KSR2: variants seen among roughly 807,000 people sequenced by gnomAD.
KSR2 encodes the protein kinase suppressor of ras 2.
In KSR2, 25 loss-of-function variants were observed where a neutral mutation model predicts 107.8. That is an observed-to-expected ratio of 0.23 (90% CI 0.17 to 0.32). KSR2 has a LOEUF of 0.32. KSR2 is among the 10% of genes least tolerant of loss of function. The probability of loss-of-function intolerance (pLI) is 1.00; values close to 1 mark genes in which losing one functional copy is unlikely to be tolerated. For missense variants in KSR2, 887 were observed against 1,268.9 expected (o/e 0.70, Z 4.57); for synonymous variants, 480 against 507.0 (o/e 0.95, Z 0.71).
intron 1 of KSR2, among the ~76,000 whole-genome samples, chr12:117,949,951 A>G (rs1896310787): frequency 6.6e-6 from 1 of 151,954 alleles, no homozygotes; most frequent in Admixed American, 6.6e-5. Flanking sequence ...ATGGAAAGAA[A>G]TGCACTGATG....
intron 3 of KSR2, among the ~76,000 whole-genome samples, chr12:117,819,125 C>T (rs558359653): frequency 5.3e-5 from 8 of 152,088 alleles, no homozygotes; most frequent in South Asian, 4.2e-4. Context: ...AGGTCTGTAC[C>T]GCCCCCTCAC....
chr12:117,747,260 G>A (rs529162027), intron 4 of KSR2, among the ~76,000 whole-genome samples: 153 of 152,258 alleles, frequency 1.0e-3, no homozygotes, highest in African/African-American at 3.1e-3. Flanking sequence ...CCATAAAGAA[G>A]AATGAGATCA....
At chr12:117,607,904 T>C (rs538179649) in intron 5 of KSR2, among the ~76,000 whole-genome samples, 58 of 152,266 alleles carry the variant, frequency 3.8e-4, no homozygotes, top group Middle Eastern at 6.8e-3. Flanking sequence ...TTGTCCCCAG[T>C]GCCACTGAAG....
chr12:117,582,871 C>T (rs1172436395), intron 5 of KSR2, among the ~76,000 whole-genome samples: 9 of 152,154 alleles, frequency 5.9e-5, no homozygotes, highest in Non-Finnish European at 1.3e-4. Flanking sequence ...AGTGGATTCC[C>T]AGTGCCAGCC....
At chr12:117,924,689 G>A (rs530956292) in intron 1 of KSR2, among the ~76,000 whole-genome samples, 27 of 151,898 alleles carry the variant, frequency 1.8e-4, no homozygotes, top group Middle Eastern at 3.4e-3. Flanking sequence ...AAATGACTCC[G>A]TTTCTTCAAC....
At chr12:117,671,621 G>A (rs918951483) in intron 4 of KSR2, among the ~76,000 whole-genome samples, 25 of 152,190 alleles carry the variant, frequency 1.6e-4, no homozygotes, top group Non-Finnish European at 1.0e-4. Context: ...GCTCCTTGAG[G>A]TCAGGAACCA....
intron 3 of KSR2, among the ~76,000 whole-genome samples, chr12:117,764,220 C>G (rs1889146014): frequency 6.6e-6 from 1 of 151,032 alleles, no homozygotes; most frequent in Admixed American, 6.6e-5. Flanking sequence ...GATGGTCGAG[C>G]CTTCCAGATG....
At chr12:117,768,250 G>T (rs1039022641) in intron 3 of KSR2, among the ~76,000 whole-genome samples, 1 of 152,198 alleles carries the variant, frequency 6.6e-6, no homozygotes, top group African/African-American at 2.4e-5. Flanking sequence ...GGAGCTGGAG[G>T]CCAAGCATCT....
chr12:117,778,094 T>C (rs1303417463), intron 3 of KSR2, among the ~76,000 whole-genome samples: 7 of 152,198 alleles, frequency 4.6e-5, no homozygotes, highest in Non-Finnish European at 7.4e-5. Flanking sequence ...GTTGCTTTAA[T>C]AAATATTTGT....
intron 1 of KSR2, among the ~76,000 whole-genome samples, chr12:117,962,692 A>G (rs530305989): frequency 4.7e-5 from 7 of 148,010 alleles, no homozygotes; most frequent in Non-Finnish European, 1.0e-4. Flanking sequence ...TGATCCACTC[A>G]CCTCAGCCTC....
chr12:117,757,229 C>A (rs1157524040), intron 4 of KSR2, among the ~76,000 whole-genome samples: 1 of 152,150 alleles, frequency 6.6e-6, no homozygotes, highest in Non-Finnish European at 1.5e-5. Flanking sequence ...GAGGAAGTAA[C>A]TGCAGATGCG....
At chr12:117,522,354 T>A (rs1420743184) in intron 14 of KSR2, among the ~76,000 whole-genome samples, 1 of 151,932 alleles carries the variant, frequency 6.6e-6, no homozygotes, top group Non-Finnish European at 1.5e-5. Context: ...GGTAAGGAAC[T>A]GACCAGACAG....
At chr12:117,702,874 G>C (rs1886381021) in intron 4 of KSR2, among the ~76,000 whole-genome samples, 1 of 152,188 alleles carries the variant, frequency 6.6e-6, no homozygotes, top group Non-Finnish European at 1.5e-5. Flanking sequence ...ATCCTCCAGA[G>C]CTAAGTTATT....
At chr12:117,954,284 T>C (rs553189155) in intron 1 of KSR2, among the ~76,000 whole-genome samples, 146 of 152,292 alleles carry the variant, frequency 9.6e-4, no homozygotes, top group Non-Finnish European at 1.9e-3. Flanking sequence ...TGCTCAGACA[T>C]CAGAGTTTTT....
At chr12:117,880,979 T>TA (rs910008604) in intron 1 of KSR2, among the ~76,000 whole-genome samples, 44 of 151,548 alleles carry the variant, frequency 2.9e-4, no homozygotes, top group African/African-American at 9.7e-4. Flanking sequence ...CTTTTTATTT[T>TA]TTTTTTTATG....
intron 16 of KSR2, among the ~76,000 whole-genome samples, chr12:117,477,297 T>C (rs1871851324): frequency 6.6e-6 from 1 of 152,246 alleles, no homozygotes; most frequent in African/African-American, 2.4e-5. Flanking sequence ...CCACTCTGCA[T>C]GTCCCTGAAT....
chr12:117,476,103 G>A (rs1290467457), intron 17 of KSR2, among the ~76,000 whole-genome samples: 1 of 152,238 alleles, frequency 6.6e-6, no homozygotes, highest in Non-Finnish European at 1.5e-5. Context: ...AATGTTTTCA[G>A]TGGCTAAGTT....
At chr12:117,696,041 T>A (rs1234244844) in intron 4 of KSR2, among the ~76,000 whole-genome samples, 2 of 152,166 alleles carry the variant, frequency 1.3e-5, no homozygotes, top group Non-Finnish European at 2.9e-5. Flanking sequence ...AGCTGTTAAA[T>A]ATCGTTTCTA....
At position 117,476,643 on chromosome 12, in the gene KSR2, G is replaced by T. The variant is rs777039226; in HGVS notation, c.2451-48C>A. 15 of 1,565,376 alleles carry T rather than the reference G, an allele frequency of 9.6e-6. No individual in the cohort carries two copies. The South Asian group carries it at 1.6e-4, about 16-fold the overall frequency. Reference sequence around the variant, plus strand: ...GAGCTCTGTTTCATAGCCCAGGGTGGACCAGTCCCCCTGGCACTGACCCTA... The same window carrying T: ...GAGCTCTGTTTCATAGCCCAGGGTGTACCAGTCCCCCTGGCACTGACCCTA... On this transcript the variant is annotated intron_variant, in intron 16 of 19. Coordinates refer to ENST00000339824, the MANE Select transcript of KSR2 (RefSeq NM_173598.6).
Sources: allele counts gnomAD v4.1 joint callset (sites outside exome capture counted in the v4.1 genomes callset), GRCh38; gene constraint gnomAD v4.1.1; transcripts MANE v1.5; gene names NCBI Gene and HGNC (gene_info 2026-07-23, HGNC 2026-07-21).